Variants in UBE2D3 observed in about 807,000 individuals in gnomAD.
UBE2D3 encodes ubiquitin conjugating enzyme E2 D3, also known as ubiquitin-conjugating enzyme E2 D3.
A neutral mutation model predicts 22.8 loss-of-function variants in UBE2D3; 2 were observed. That is an observed-to-expected ratio of 0.09 (90% confidence interval 0.04 to 0.28). The LOEUF (loss-of-function observed/expected upper bound fraction) is 0.28, where lower values mean the gene tolerates loss of function less well. Ranked by LOEUF, UBE2D3 falls within the 10% of genes least tolerant of loss-of-function variation. UBE2D3 has a pLI of 1.00. For missense variants in UBE2D3, 27 were observed against 182.5 expected, an observed-to-expected ratio of 0.15 and a Z score of 4.91; for synonymous variants, 56 against 60.4, an observed-to-expected ratio of 0.93 and a Z score of 0.34.
chr4:102,799,886 T>C (rs1277763964), intron 6 of UBE2D3, among the ~76,000 whole-genome samples: 1 of 150,126 alleles, frequency 6.7e-6, no homozygotes, highest in Non-Finnish European at 1.5e-5. Context: ...GCCATATTCA[T>C]AGCCATTAGG....
intron 2 of UBE2D3, among the ~76,000 whole-genome samples, chr4:102,825,004 C>T (rs1730231090): frequency 6.6e-6 from 1 of 152,140 alleles, no homozygotes; most frequent in Non-Finnish European, 1.5e-5. Context: ...CCCAAAATGA[C>T]GATGTTATGA....
At chr4:102,831,034 T>C (rs560187219), upstream of UBE2D3, among the ~76,000 whole-genome samples, 1 of 152,342 alleles carries the variant, frequency 6.6e-6, no homozygotes, top group Admixed American at 6.5e-5. Context: ...ATTTTATATA[T>C]ATGTACTTAA....
At chr4:102,809,923 T>A in intron 2 of UBE2D3, 68 bp from the exon 3 acceptor site, 1 of 1,474,736 alleles carries the variant, frequency 6.8e-7, no homozygotes, top group South Asian at 1.2e-5. Flanking sequence ...ATGAGTCCAC[T>A]GCTTTCAGTT....
At chr4:102,801,415 T>C in intron 6 of UBE2D3, 39 bp downstream of exon 6, 3 of 1,536,078 alleles carry the variant, frequency 2.0e-6, no homozygotes, top group Non-Finnish European at 2.7e-6. Context: ...GAAGCTTTAT[T>C]AGACAATGAG....
At chr4:102,806,091 T>G (rs568848164) in intron 4 of UBE2D3, among the ~76,000 whole-genome samples, 1 of 152,316 alleles carries the variant, frequency 6.6e-6, no homozygotes, top group Middle Eastern at 3.4e-3. Context: ...TAAAGTGGTC[T>G]TTTAAAAATG....
chr4:102,827,517 C>A lies in UBE2D3; in HGVS notation c.-219G>T. The A allele has an allele frequency of 1.0e-6, 1 of 986,098 alleles. No individual in the cohort carries two copies. The highest frequency in any genetic ancestry group is 1.7e-5 in the African/African-American group (1 of 57,346). 61.1% of individuals were successfully genotyped at this position (986,098 alleles called of 1,614,324 possible). ...CCCGGCCCTACGGGGCTCACGCGCA[C>A]GACACAGCCACAAGATGTCCGCTCT... On this transcript the variant is annotated 5_prime_UTR_variant, in exon 1 of 8. Coordinates refer to ENST00000453744, the MANE Select transcript of UBE2D3 (RefSeq NM_181891.3).
intron 1 of UBE2D3, among the ~76,000 whole-genome samples, chr4:102,843,145 T>TTAG (rs1444840289): frequency 1.3e-5 from 2 of 152,124 alleles, no homozygotes; most frequent in Admixed American, 1.3e-4. Context: ...GGGCCCAGAC[T>TTAG]TAGGCTTTAT....
intron 2 of UBE2D3, chr4:102,825,298 A>G (rs779267673): frequency 1.0e-6 from 1 of 986,330 alleles, no homozygotes; most frequent in Non-Finnish European, 1.2e-6. Context: ...TTTTCAAGTT[A>G]GCTGTAAACA....
In UBE2D3 at chr4:102,855,110, T is replaced by G. The variant is rs140172116; in HGVS notation, c.-129+13605A>C. Among the ~76,000 whole-genome samples the G allele has an allele frequency of 6.7e-4, 102 of 152,348 alleles. 1 individual carries two copies. Among genetic ancestry groups the G allele is most frequent in the Non-Finnish European group, 1.3e-3 (88 of 68,038 alleles). On this transcript the variant is annotated intron_variant, in intron 1 of 7. Coordinates refer to the UBE2D3 transcript ENST00000338145. Reference sequence around the variant, plus strand: ...TTATAACAGCCTTCTGCTGCTGGATTGTGGATTTCAACACAGATCCTTACT... The same window carrying G: ...TTATAACAGCCTTCTGCTGCTGGATGGTGGATTTCAACACAGATCCTTACT...
intron 1 of UBE2D3, among the ~76,000 whole-genome samples, chr4:102,845,219 A>AAAAAC (rs369696213): frequency 7.9e-5 from 12 of 152,208 alleles, no homozygotes; most frequent in South Asian, 2.1e-4. Flanking sequence ...ACCTTGTCTC[A>AAAAAC]AAAACAAAAC....
At chr4:102,856,858 A>C (rs1732643349) in intron 1 of UBE2D3, among the ~76,000 whole-genome samples, 1 of 152,214 alleles carries the variant, frequency 6.6e-6, no homozygotes, top group South Asian at 2.1e-4. Flanking sequence ...AGAAGGCAAA[A>C]CTACAGAGAC....
chr4:102,829,974 C>G (rs993889992), upstream of UBE2D3, among the ~76,000 whole-genome samples: 8 of 152,072 alleles, frequency 5.3e-5, no homozygotes, highest in African/African-American at 1.4e-4. Context: ...CTAGATTATC[C>G]ATGCTTATAA....
intron 2 of UBE2D3, chr4:102,819,589 G>A (rs939350888): frequency 8.9e-5 from 88 of 985,110 alleles, no homozygotes; most frequent in East Asian, 1.1e-4. Context: ...AAAGCGTAAC[G>A]CCATAAATAA....
rs1730266987 is a variant in UBE2D3 at position 102,825,196 on chromosome 4, T to C, written c.24+1289A>G. 4.1e-6 allele frequency: 4 copies of C among 975,132 alleles called. No individual in the cohort carries two copies. In the African/African-American group the frequency reaches 7.0e-5, roughly 17 times the overall value. 60.4% of individuals were successfully genotyped at this position (975,132 alleles called of 1,614,324 possible). ...TCTTGCCATTCCTCTCAGAACTCTT[T>C]TTAAAAAAGTAATCTATTAAAACCA... is the stretch of plus-strand genomic sequence containing the variant. On this transcript the variant is annotated intron_variant, in intron 2 of 7. Coordinates refer to ENST00000453744, the MANE Select transcript of UBE2D3 (RefSeq NM_181891.3).
At chr4:102,852,997 TC>T (rs1732437357) in intron 1 of UBE2D3, among the ~76,000 whole-genome samples, 1 of 152,152 alleles carries the variant, frequency 6.6e-6, no homozygotes, top group Non-Finnish European at 1.5e-5. Context: ...ATTAAACATT[TC>T]TGCTTATTAG....
chr4:102,802,715 T>C (rs1726381454), intron 4 of UBE2D3, 77 bp from the exon 5 acceptor site: 24 of 1,210,934 alleles, frequency 2.0e-5, no homozygotes, highest in Admixed American at 6.5e-5. Context: ...TTTCCAAGCA[T>C]TTCTCTAATA....
chr4:102,834,674 A>T (rs1371432450), intron 1 of UBE2D3, among the ~76,000 whole-genome samples: 2 of 151,592 alleles, frequency 1.3e-5, no homozygotes, highest in Non-Finnish European at 2.9e-5. Context: ...ACTTGGGCCC[A>T]GGAGGTCAAG....
chr4:102,839,066 AG>A (rs1560884465), intron 1 of UBE2D3, among the ~76,000 whole-genome samples: 1 of 152,118 alleles, frequency 6.6e-6, no homozygotes, highest in Non-Finnish European at 1.5e-5. Flanking sequence ...TTGCAGGGAG[AG>A]GGAGGGAAGG....
chr4:102,859,165 C>T (rs1732763135), intron 1 of UBE2D3, among the ~76,000 whole-genome samples: 1 of 151,902 alleles, frequency 6.6e-6, no homozygotes, highest in African/African-American at 2.4e-5. Flanking sequence ...TTCTGAATGA[C>T]AGCTTTGTGG....
Sources: allele counts gnomAD v4.1 joint callset (sites outside exome capture counted in the v4.1 genomes callset), GRCh38; gene constraint gnomAD v4.1.1; transcripts MANE v1.5; gene names NCBI Gene and HGNC (gene_info 2026-07-23, HGNC 2026-07-21).